Variants in MMD2 observed in about 807,000 individuals in gnomAD.
The protein encoded by MMD2 is monocyte to macrophage differentiation associated 2.
Under a neutral mutation model 33.5 loss-of-function variants are expected in MMD2, and 30 were observed. The ratio of observed to expected loss-of-function variants is 0.90; its 90% CI spans 0.67 to 1.22. MMD2 has a LOEUF of 1.22. MMD2 is among the 50% of genes most tolerant of loss of function. The pLI is 0.00. For synonymous variants in MMD2, 129 were observed against 123.0 expected (o/e 1.05, Z -0.32); for missense variants, 364 against 325.4 (o/e 1.12, Z -0.91).
intron 3 of MMD2, among the ~76,000 whole-genome samples, chr7:4,918,270 G>A (rs1263677081): frequency 6.6e-6 from 1 of 152,158 alleles, no homozygotes; most frequent in Non-Finnish European, 1.5e-5. Context: ...TCACTGACCA[G>A]TACAAACTGT....
At chr7:4,895,222 G>A in the MMD2 span, among the ~76,000 whole-genome samples, 4,392 of 151,998 alleles carry the variant, frequency 0.029, 232 homozygotes, top group East Asian at 0.21. Context: ...GATTACAGGC[G>A]ACCACCACCA....
chr7:4,907,312 G>T lies in MMD2; in HGVS notation c.*84C>A. The stretch of plus-strand genomic sequence containing the variant: ...ACTCTACCCAATAAAGGGAAGACAG[G>T]CCTTGGCGCTGTGCTCTGGGTTAAC... On this transcript the variant is annotated 3_prime_UTR_variant, in exon 7 of 7. Coordinates refer to ENST00000401401, the MANE Select transcript of MMD2 (RefSeq NM_198403.4). 7.4e-7 allele frequency: 1 copy of T among 1,355,838 alleles called. No homozygotes were observed. Among genetic ancestry groups the T allele is most frequent in the Non-Finnish European group, 1.0e-6 (1 of 954,024 alleles). The allele number at this position is 1,355,838 out of a possible 1,614,324, so 84.0% of individuals were successfully genotyped here. A position where few individuals can be genotyped will look rare whatever the true frequency, so the allele number is the denominator to read the frequency against.
chr7:4,892,342 C>A, the MMD2 span, among the ~76,000 whole-genome samples: 4 of 152,076 alleles, frequency 2.6e-5, no homozygotes, highest in African/African-American at 7.2e-5. Context: ...AATCCCAGCA[C>A]TTTGGGAGGC....
At position 4,907,218 on chromosome 7, in the gene MMD2, C is replaced by T. The variant is rs905532150; in HGVS notation, c.*178G>A. On this transcript the variant is annotated 3_prime_UTR_variant, in exon 7 of 7. Transcript: ENST00000401401. ...TCTCCTCTGTAAGAATGGCTAAATG[C>T]TTTCTTTCTCGCTGGGGACTCGAGG... is the stretch of plus-strand genomic sequence containing the variant. 3 of 616,032 alleles carry T rather than the reference C, an allele frequency of 4.9e-6. No individual in the cohort carries two copies. Among genetic ancestry groups the T allele is most frequent in the Non-Finnish European group, 5.8e-6 (2 of 344,722 alleles). 38.2% of individuals were successfully genotyped at this position (616,032 alleles called of 1,614,324 possible). A position where few individuals can be genotyped will look rare whatever the true frequency, so the allele number is the denominator to read the frequency against.
intron 1 of MMD2, among the ~76,000 whole-genome samples, chr7:4,954,660 C>T (rs1786336804): frequency 6.6e-6 from 1 of 152,100 alleles, no homozygotes; most frequent in South Asian, 2.1e-4. Context: ...CTCAGGTGCT[C>T]CTCCCACCTC....
At chr7:4,949,361 C>G (rs1198727484) in intron 1 of MMD2, among the ~76,000 whole-genome samples, 2 of 152,164 alleles carry the variant, frequency 1.3e-5, no homozygotes, top group African/African-American at 2.4e-5. Context: ...TGGTAACCAT[C>G]CTTCTACTCT....
the MMD2 span, among the ~76,000 whole-genome samples, chr7:4,898,555 T>C: frequency 6.6e-6 from 1 of 152,104 alleles, no homozygotes; most frequent in Non-Finnish European, 1.5e-5. Context: ...TTTGTGTCCC[T>C]CCAAATTCTA....
chr7:4,941,356 G>A (rs1027078536), intron 1 of MMD2, among the ~76,000 whole-genome samples: 2 of 152,212 alleles, frequency 1.3e-5, no homozygotes, highest in African/African-American at 2.4e-5. Context: ...CTGACCGGGC[G>A]CGGTGGCTCG....
Position 4,911,205 on chromosome 7 carries a change from C to G in MMD2, c.407G>C (p.Arg136Pro), listed in dbSNP as rs772762565. 1 of 1,602,324 alleles carries G rather than the reference C, an allele frequency of 6.2e-7. No individual in the cohort carries two copies. Among genetic ancestry groups the G allele is most frequent in the Admixed American group, 1.7e-5 (1 of 58,248 alleles). Reference protein sequence around the residue: ...RELGPWASHMRWLVWIMASVG... With the variant: ...RELGPWASHMPWLVWIMASVG... ...GGAAGCCATAATCCAGACCAGCCAG[C>G]GCATGTGGGAGGCCCAGGGGCCCAG... Residue 136 changes from arginine (R) to proline (P), a missense_variant, in exon 5 of 7, where the codon CGC becomes CCC. Transcript: ENST00000401401.
rs71033002 is a variant in MMD2 at position 4,947,692 on chromosome 7, C to CT, written c.47+11278dup. ...ACAGGTGTGAGCGACTGCACCTGGC[C>CT]TTTTTTTTTTTTTTTTTTTTTTTTT... On this transcript the variant is annotated intron_variant, in intron 1 of 6. Coordinates refer to ENST00000401401, the MANE Select transcript of MMD2 (RefSeq NM_198403.4). Among the ~76,000 whole-genome samples, 247 of 35,828 alleles carry CT rather than the reference C, an allele frequency of 6.9e-3. 4 individuals carry two copies. Among genetic ancestry groups the CT allele is most frequent in the Admixed American group, 8.8e-3 (21 of 2,398 alleles). The allele number at this position is 35,828 out of a possible 152,430, so 23.5% of individuals were successfully genotyped here. A position where few individuals can be genotyped will look rare whatever the true frequency, so the allele number is the denominator to read the frequency against.
intron 4 of MMD2, 71 bp downstream of exon 4, chr7:4,915,934 A>T: frequency 1.3e-6 from 2 of 1,494,880 alleles, no homozygotes; most frequent in Non-Finnish European, 1.9e-6. Flanking sequence ...ACCCAGCCAA[A>T]TAGAAAAATA....
At chr7:4,935,360 A>C (rs1183849649) in intron 1 of MMD2, among the ~76,000 whole-genome samples, 4 of 151,738 alleles carry the variant, frequency 2.6e-5, no homozygotes, top group Non-Finnish European at 4.4e-5. Flanking sequence ...TCAAAAAATA[A>C]TAAAATACTG....
the MMD2 span, among the ~76,000 whole-genome samples, chr7:4,893,313 T>C: frequency 6.6e-6 from 1 of 152,064 alleles, no homozygotes; most frequent in Non-Finnish European, 1.5e-5. Context: ...GACTACTCCA[T>C]AGGCAGAGCA....
intron 1 of MMD2, among the ~76,000 whole-genome samples, chr7:4,934,559 G>A (rs534113628): frequency 2.9e-4 from 44 of 152,282 alleles, no homozygotes; most frequent in African/African-American, 1.0e-3. Context: ...GGAGGGAAGT[G>A]GCCTTTTCTT....
At chr7:4,903,695 T>C (rs953210581), downstream of MMD2, among the ~76,000 whole-genome samples, 6 of 152,180 alleles carry the variant, frequency 3.9e-5, no homozygotes, top group African/African-American at 1.4e-4. Context: ...AATGTGAGTC[T>C]ACTGAGCAGG....
intron 1 of MMD2, among the ~76,000 whole-genome samples, chr7:4,927,724 AC>A (rs1433300884): frequency 6.6e-6 from 1 of 151,942 alleles, no homozygotes; most frequent in Non-Finnish European, 1.5e-5. Flanking sequence ...CCAAACCAAA[AC>A]AAAACAAACA....
In MMD2 at chr7:4,941,336, A is replaced by T. The variant is rs1013870889; in HGVS notation, c.48-15804T>A. 7.2e-5 allele frequency among the ~76,000 whole-genome samples: 11 copies of T among 152,346 alleles called. No individual in the cohort carries two copies. The East Asian group carries it at 2.1e-3, about 29-fold the overall frequency. ...GTAAGTTTTCAGGCAATAGCAGAAA[A>T]AGGACACTTCTGACCGGGCGCGGTG... On this transcript the variant is annotated intron_variant, in intron 1 of 6. Coordinates refer to ENST00000401401, the MANE Select transcript of MMD2 (RefSeq NM_198403.4).
At chr7:4,902,791 C>T (rs1306652355), downstream of MMD2, among the ~76,000 whole-genome samples, 2 of 152,192 alleles carry the variant, frequency 1.3e-5, no homozygotes, top group Non-Finnish European at 2.9e-5. Context: ...ACCCTTTGAC[C>T]TCTACCTGCC....
intron 6 of MMD2, among the ~76,000 whole-genome samples, chr7:4,908,288 T>C (rs13233785): frequency 0.66 from 99,829 of 150,922 alleles, 34,226 homozygotes; most frequent in Non-Finnish European, 0.76. Context: ...ACTACAGGCA[T>C]GCACCACCAT....
Sources: gnomAD v4.1 joint callset for allele counts (sites outside exome capture counted in the v4.1 genomes callset) on GRCh38, gnomAD v4.1.1 for gene constraint, MANE v1.5 for transcripts, NCBI Gene and HGNC (gene_info 2026-07-23, HGNC 2026-07-21) for gene names.